The following RBFOX1 variants were observed in gnomAD, a reference collection of about 807,000 sequenced individuals.
RBFOX1 encodes the protein RNA binding fox-1 homolog 1.
RBFOX1 carries 8 observed loss-of-function variants against 57.7 expected under a neutral mutation model. The observed-to-expected ratio is 0.14, with a 90% confidence interval of 0.08 to 0.25. The LOEUF (loss-of-function observed/expected upper bound fraction) is 0.25, where lower values mean the gene tolerates loss of function less well. RBFOX1 is among the 10% of genes least tolerant of loss of function. The probability of loss-of-function intolerance (pLI) is 1.00; values close to 1 mark genes in which losing one functional copy is unlikely to be tolerated. For missense variants in RBFOX1, 611 were observed against 548.5 expected (o/e 1.11, Z -1.14); for synonymous variants, 326 against 222.4 (o/e 1.47, Z -4.15).
chr16:7,518,938 G>T (rs530619244), intron 5 of RBFOX1, among the ~76,000 whole-genome samples: 95 of 152,280 alleles, frequency 6.2e-4, no homozygotes, highest in African/African-American at 2.3e-3. Context: ...TGGGAGGATG[G>T]CTTGGGGCCA....
chr16:6,472,120 A>T (rs72760948), intron 2 of RBFOX1, among the ~76,000 whole-genome samples: 20,875 of 152,174 alleles, frequency 0.14, 1,716 homozygotes, highest in Middle Eastern at 0.2. Flanking sequence ...TTCCCAGCCT[A>T]GCCCTTGAGC....
intron 3 of RBFOX1, among the ~76,000 whole-genome samples, chr16:6,959,383 G>A (rs1224461872): frequency 6.6e-6 from 1 of 152,140 alleles, no homozygotes; most frequent in African/African-American, 2.4e-5. Flanking sequence ...TTTTCAGAAA[G>A]TCGTTTTGTG....
intron 2 of RBFOX1, among the ~76,000 whole-genome samples, chr16:6,400,429 T>C (rs555068769): frequency 2.2e-4 from 33 of 152,318 alleles, no homozygotes; most frequent in African/African-American, 7.5e-4. Context: ...GCTTATGGGA[T>C]CCGGCTAAAA....
chr16:7,454,687 G>A (rs1007195245), intron 4 of RBFOX1, among the ~76,000 whole-genome samples: 2 of 152,244 alleles, frequency 1.3e-5, no homozygotes, highest in East Asian at 1.9e-4. Context: ...AAGGAATATG[G>A]TGGAGGAATG....
At chr16:7,636,526 G>C (rs11639601) in intron 11 of RBFOX1, among the ~76,000 whole-genome samples, 62,420 of 152,114 alleles carry the variant, frequency 0.41, 13,535 homozygotes, top group East Asian at 0.75. Context: ...ATGTTGCTCA[G>C]ATTCCACCAT....
chr16:5,913,173 C>T (rs1460144538), intron 4 of RBFOX1, among the ~76,000 whole-genome samples: 1 of 152,190 alleles, frequency 6.6e-6, no homozygotes, highest in African/African-American at 2.4e-5. Context: ...GCAGGTTGAC[C>T]TGGCTTAATA....
At chr16:7,469,398 G>T (rs2061143576) in intron 4 of RBFOX1, among the ~76,000 whole-genome samples, 1 of 152,084 alleles carries the variant, frequency 6.6e-6, no homozygotes, top group Admixed American at 6.6e-5. Flanking sequence ...AACCTATGAG[G>T]CTATGTTTGT....
chr16:6,269,783 A>G (rs1483301222), intron 1 of RBFOX1, among the ~76,000 whole-genome samples: 7 of 152,214 alleles, frequency 4.6e-5, no homozygotes, highest in Admixed American at 1.3e-4. Flanking sequence ...GGAATTTTAG[A>G]ACATCAGCAA....
chr16:6,257,798 C>T (rs372578808), intron 1 of RBFOX1, among the ~76,000 whole-genome samples: 3 of 152,214 alleles, frequency 2.0e-5, no homozygotes, highest in East Asian at 3.9e-4. Flanking sequence ...TGGATATGCG[C>T]TACATTTTCT....
intron 3 of RBFOX1, among the ~76,000 whole-genome samples, chr16:6,669,618 A>G (rs2098752026): frequency 6.6e-6 from 1 of 152,032 alleles, no homozygotes; most frequent in African/African-American, 2.4e-5. Context: ...CACCTCATAT[A>G]TTGCTATTTT....
At chr16:7,157,998 T>A (rs1306927912) in intron 4 of RBFOX1, among the ~76,000 whole-genome samples, 2 of 152,164 alleles carry the variant, frequency 1.3e-5, no homozygotes, top group Non-Finnish European at 2.9e-5. Flanking sequence ...TAAGAAATAA[T>A]ACAGAAAAAT....
At chr16:7,235,502 T>G (rs545487808) in intron 4 of RBFOX1, among the ~76,000 whole-genome samples, 22 of 152,306 alleles carry the variant, frequency 1.4e-4, no homozygotes, top group Non-Finnish European at 2.4e-4. Context: ...TGCTGGTAGT[T>G]TTTGACATTT....
At chr16:6,742,928 G>A (rs879529389) in intron 3 of RBFOX1, among the ~76,000 whole-genome samples, 5 of 152,044 alleles carry the variant, frequency 3.3e-5, no homozygotes, top group Admixed American at 1.3e-4. Flanking sequence ...AAATCTATAC[G>A]TGTAATAAAA....
In RBFOX1 at chr16:5,985,184, G is replaced by A. The variant is rs569594111; in HGVS notation, c.351+117849G>A. Among the ~76,000 whole-genome samples, 5 of 150,966 alleles carry A rather than the reference G, an allele frequency of 3.3e-5. No individual in the cohort carries two copies. In the South Asian group the frequency reaches 1.0e-3, roughly 32 times the overall value. ...TATATTTTTATTTTTAGTAGAGGCG[G>A]GGTTTCACCGTGTTAGCCAGGATGG... On this transcript the variant is annotated intron_variant, in intron 4 of 19. Coordinates refer to the RBFOX1 transcript ENST00000641259.
chr16:7,180,082 A>C (rs559972020), intron 4 of RBFOX1, among the ~76,000 whole-genome samples: 1 of 152,148 alleles, frequency 6.6e-6, no homozygotes, highest in Non-Finnish European at 1.5e-5. Flanking sequence ...TTTCTCAGAG[A>C]AAATATTTCT....
chr16:6,063,507 C>CACACACACA (rs1555493205), intron 1 of RBFOX1, among the ~76,000 whole-genome samples: 497 of 47,174 alleles, frequency 0.011, 10 homozygotes, highest in African/African-American at 0.025. Flanking sequence ...ACACACACAC[C>CACACACACA]CCCTTATATT....
intron 1 of RBFOX1, among the ~76,000 whole-genome samples, chr16:6,087,889 G>A (rs950119937): frequency 4.6e-5 from 7 of 152,080 alleles, no homozygotes; most frequent in Non-Finnish European, 1.0e-4. Flanking sequence ...TTGACCTTGT[G>A]ATCCACCTGC....
chr16:5,479,829 A>G (rs1465152442), intron 2 of RBFOX1, among the ~76,000 whole-genome samples: 1 of 151,008 alleles, frequency 6.6e-6, no homozygotes, highest in East Asian at 2.0e-4. Flanking sequence ...GTGTCCTTGG[A>G]CTTCTTAAAA....
At chr16:7,050,142 A>T (rs950299505) in intron 3 of RBFOX1, among the ~76,000 whole-genome samples, 2 of 137,198 alleles carry the variant, frequency 1.5e-5, no homozygotes, top group African/African-American at 6.3e-5. Flanking sequence ...CAGGTGTATA[A>T]TTCAATGTGG....
Sources: allele counts gnomAD v4.1 joint callset (sites outside exome capture counted in the v4.1 genomes callset), GRCh38; gene constraint gnomAD v4.1.1; transcripts MANE v1.5; gene names NCBI Gene and HGNC (gene_info 2026-07-23, HGNC 2026-07-21).